ZFAND3: variants seen among roughly 807,000 people sequenced by gnomAD.
ZFAND3 encodes the protein AN1-type zinc finger protein 3.
A neutral mutation model predicts 29.6 loss-of-function variants in ZFAND3; 10 were observed. The observed-to-expected ratio is 0.34, with a 90% CI of 0.21 to 0.57. The LOEUF is 0.57. Among genes scored for constraint, ZFAND3 ranks in the 20% least tolerant of loss-of-function variants. The pLI is 0.86. For missense variants in ZFAND3, 230 were observed against 304.5 expected (o/e 0.76, Z 1.82); for synonymous variants, 128 against 112.6 (o/e 1.14, Z -0.87).
intron 4 of ZFAND3, among the ~76,000 whole-genome samples, chr6:38,103,698 G>C (rs919183359): frequency 1.3e-5 from 2 of 151,996 alleles, no homozygotes; most frequent in African/African-American, 4.8e-5. Context: ...ACAAATCTTT[G>C]AATTCTTATG....
intron 4 of ZFAND3, among the ~76,000 whole-genome samples, chr6:38,084,470 A>T (rs9470764): frequency 5.9e-5 from 9 of 152,222 alleles, no homozygotes; most frequent in African/African-American, 1.7e-4. Context: ...CCATCATCTT[A>T]ATGAGGATTA....
intron 1 of ZFAND3, among the ~76,000 whole-genome samples, chr6:37,928,566 G>A (rs1194324182): frequency 6.6e-6 from 1 of 152,100 alleles, no homozygotes; most frequent in African/African-American, 2.4e-5. Context: ...TGTTGCCCAG[G>A]CTGGAGTGCA....
At chr6:38,019,951 C>T (rs1763318548) in intron 2 of ZFAND3, among the ~76,000 whole-genome samples, 1 of 152,130 alleles carries the variant, frequency 6.6e-6, no homozygotes, top group South Asian at 2.1e-4. Context: ...AACTCCTGGC[C>T]TCAAGTTATC....
intron 1 of ZFAND3, among the ~76,000 whole-genome samples, chr6:37,899,960 A>T (rs1203684130): frequency 1.3e-5 from 2 of 152,170 alleles, no homozygotes; most frequent in African/African-American, 4.8e-5. Context: ...GCTTCTTATG[A>T]TGTGTTTTAT....
chr6:38,153,453 G>A lies in ZFAND3; in HGVS notation c.*1064G>A, dbSNP rs1561795615. On this transcript the variant is annotated 3_prime_UTR_variant, in exon 6 of 6. Transcript: ENST00000287218. The stretch of plus-strand genomic sequence containing the variant: ...CAGCCCCATAGTCCAAGGACACCCA[G>A]TCCACATCTACCATATAGCAAGTTT... 1.0e-6 allele frequency: 1 copy of A among 985,434 alleles called. No homozygotes were observed. Among genetic ancestry groups the A allele is most frequent in the Non-Finnish European group, 1.2e-6 (1 of 830,064 alleles). The allele number at this position is 985,434 out of a possible 1,614,324, so 61.0% of individuals were successfully genotyped here. A position where few individuals can be genotyped will look rare whatever the true frequency, so the allele number is the denominator to read the frequency against.
intron 5 of ZFAND3, among the ~76,000 whole-genome samples, chr6:38,122,386 A>G (rs1765552692): frequency 6.6e-6 from 1 of 152,256 alleles, no homozygotes; most frequent in Non-Finnish European, 1.5e-5. Context: ...TGCAGACACA[A>G]CCATCATAGG....
chr6:37,829,672 G>A (rs552413098), intron 1 of ZFAND3, among the ~76,000 whole-genome samples: 7 of 152,300 alleles, frequency 4.6e-5, no homozygotes, highest in African/African-American at 1.7e-4. Context: ...TGAGGCCTGA[G>A]TTCCCTGTTT....
intron 1 of ZFAND3, among the ~76,000 whole-genome samples, chr6:37,908,879 A>G (rs557022066): frequency 2.0e-4 from 30 of 152,268 alleles, no homozygotes; most frequent in Admixed American, 8.5e-4. Context: ...CTTGTTTGTC[A>G]GTAACCTTTT....
rs1562015890 is a variant in ZFAND3 at position 38,144,199 on chromosome 6, AT to A, written c.530-8035del. Among the ~76,000 whole-genome samples the A allele has an allele frequency of 2.4e-3, 85 of 35,250 alleles. 2 individuals carry two copies. Among genetic ancestry groups the A allele is most frequent in the South Asian group, 0.014 (25 of 1,790 alleles). The allele number at this position is 35,250 out of a possible 152,430, so 23.1% of individuals were successfully genotyped here. On this transcript the variant is annotated intron_variant, in intron 5 of 5. Transcript: ENST00000287218. Reference sequence around the variant, plus strand: ...ATATATATATAATATATATATATATATATATATATATAATATATAATATATA... The same window carrying A: ...ATATATATATAATATATATATATATAATATATATATAATATATAATATATA...
chr6:37,823,612 G>A (rs1166365866), intron 1 of ZFAND3, among the ~76,000 whole-genome samples: 8 of 152,140 alleles, frequency 5.3e-5, no homozygotes, highest in Admixed American at 2.0e-4. Flanking sequence ...GTTAGTGCTT[G>A]TAACACGTGG....
At chr6:38,096,449 G>A (rs1262587100) in intron 4 of ZFAND3, among the ~76,000 whole-genome samples, 1 of 152,198 alleles carries the variant, frequency 6.6e-6, no homozygotes, top group Admixed American at 6.5e-5. Flanking sequence ...GGGATTACAG[G>A]CGTGAGCCAC....
At chr6:37,874,750 G>C (rs6912097) in intron 1 of ZFAND3, among the ~76,000 whole-genome samples, 96,069 of 151,552 alleles carry the variant, frequency 0.63, 31,183 homozygotes, top group African/African-American at 0.75. Context: ...TTTCTTTTTC[G>C]TTTTTGTAGA....
At chr6:38,146,924 G>A (rs563079079) in intron 5 of ZFAND3, among the ~76,000 whole-genome samples, 3 of 152,338 alleles carry the variant, frequency 2.0e-5, no homozygotes, top group South Asian at 4.1e-4. Flanking sequence ...GAATGAGTCA[G>A]TGAATTTGAT....
chr6:37,937,585 T>C (rs866550144), intron 2 of ZFAND3, among the ~76,000 whole-genome samples: 1 of 132,682 alleles, frequency 7.5e-6, no homozygotes, highest in African/African-American at 2.9e-5. Flanking sequence ...AACCAGGGAG[T>C]CGGAGGTTGC....
At chr6:38,070,901 A>T (rs1266561414) in intron 3 of ZFAND3, among the ~76,000 whole-genome samples, 1 of 151,840 alleles carries the variant, frequency 6.6e-6, no homozygotes, top group Non-Finnish European at 1.5e-5. Context: ...AGAATAGCTC[A>T]TTTTAACTTG....
chr6:37,857,080 C>T (rs1156658732), intron 1 of ZFAND3, among the ~76,000 whole-genome samples: 1 of 152,056 alleles, frequency 6.6e-6, no homozygotes, highest in Non-Finnish European at 1.5e-5. Context: ...ATAGCTGGGA[C>T]CACTGACAAA....
chr6:37,957,851 T>C (rs2127423283), intron 2 of ZFAND3, among the ~76,000 whole-genome samples: 1 of 152,312 alleles, frequency 6.6e-6, no homozygotes, highest in African/African-American at 2.4e-5. Flanking sequence ...CCTGGTGGGA[T>C]AATTTATGCA....
At chr6:38,060,180 C>T (rs1209977970) in intron 2 of ZFAND3, among the ~76,000 whole-genome samples, 1 of 152,118 alleles carries the variant, frequency 6.6e-6, no homozygotes, top group Non-Finnish European at 1.5e-5. Context: ...ACTGTGGAAC[C>T]TGAGTATATG....
intron 3 of ZFAND3, among the ~76,000 whole-genome samples, chr6:38,071,533 GT>G (rs1462966863): frequency 6.6e-6 from 1 of 151,518 alleles, no homozygotes; most frequent in Non-Finnish European, 1.5e-5. Flanking sequence ...TCTTTATTTT[GT>G]TTTATTGGTC....
Sources: allele counts gnomAD v4.1 joint callset (sites outside exome capture counted in the v4.1 genomes callset), GRCh38; gene constraint gnomAD v4.1.1; transcripts MANE v1.5; gene names NCBI Gene and HGNC (gene_info 2026-07-23, HGNC 2026-07-21).